Variants in LINGO2 observed in about 807,000 individuals in gnomAD.
The protein encoded by LINGO2 is leucine rich repeat and Ig domain containing 2.
In LINGO2, 14 loss-of-function variants were observed where a neutral mutation model predicts 30.6. The ratio of observed to expected loss-of-function variants is 0.46; its 90% CI spans 0.30 to 0.72. The LOEUF (loss-of-function observed/expected upper bound fraction) is 0.72, where lower values mean the gene tolerates loss of function less well. Ranked by LOEUF, LINGO2 falls within the 30% of genes least tolerant of loss-of-function variation. The pLI is 0.07. For missense variants in LINGO2, 729 were observed against 751.7 expected, an observed-to-expected ratio of 0.97 and a Z score of 0.35; for synonymous variants, 317 against 288.5, an observed-to-expected ratio of 1.10 and a Z score of -1.00.
At chr9:27,958,549 G>A (rs1165110264) in intron 5 of LINGO2, among the ~76,000 whole-genome samples, 1 of 128,750 alleles carries the variant, frequency 7.8e-6, no homozygotes, top group Non-Finnish European at 1.5e-5. Flanking sequence ...AAGGGAGAGT[G>A]AGAGAGAGAG....
chr9:28,848,393 G>GTATATATATA, the LINGO2 span, among the ~76,000 whole-genome samples: 8 of 67,198 alleles, frequency 1.2e-4, no homozygotes, highest in Non-Finnish European at 1.9e-4. Flanking sequence ...GTGTGTGTGT[G>GTATATATATA]TGTGTATATA....
chr9:28,752,266 T>C, the LINGO2 span, among the ~76,000 whole-genome samples: 3 of 152,086 alleles, frequency 2.0e-5, no homozygotes, highest in African/African-American at 7.2e-5. Flanking sequence ...ATGAATGACC[T>C]TTCTTGGTGA....
At chr9:28,468,028 A>G (rs939347693) in intron 2 of LINGO2, among the ~76,000 whole-genome samples, 1 of 152,196 alleles carries the variant, frequency 6.6e-6, no homozygotes, top group Admixed American at 6.5e-5. Flanking sequence ...AGCAGAATAG[A>G]AAGCTCAAAG....
chr9:28,380,392 T>TTTC (rs1023686927), intron 2 of LINGO2, among the ~76,000 whole-genome samples: 6 of 147,386 alleles, frequency 4.1e-5, no homozygotes, highest in Non-Finnish European at 7.6e-5. Flanking sequence ...CTATAAAGGT[T>TTTC]TTTTTTTTTT....
chr9:28,064,636 T>C (rs1443777217), intron 4 of LINGO2, among the ~76,000 whole-genome samples: 2 of 152,108 alleles, frequency 1.3e-5, no homozygotes, highest in Admixed American at 6.6e-5. Context: ...AAGGAACTGC[T>C]CTGATTACAA....
At chr9:29,086,951 T>G in the LINGO2 span, among the ~76,000 whole-genome samples, 2,589 of 151,424 alleles carry the variant, frequency 0.017, 79 homozygotes, top group African/African-American at 0.06. Flanking sequence ...GCACAATCTC[T>G]GCTCACTGCA....
At chr9:28,323,590 ACT>A (rs1327362485) in intron 3 of LINGO2, among the ~76,000 whole-genome samples, 8 of 152,152 alleles carry the variant, frequency 5.3e-5, no homozygotes, top group Admixed American at 4.6e-4. Flanking sequence ...ATGGAGGGAG[ACT>A]CTGTCTCAAT....
chr9:28,387,531 A>C (rs1821637644), intron 2 of LINGO2, among the ~76,000 whole-genome samples: 1 of 152,200 alleles, frequency 6.6e-6, no homozygotes, highest in Non-Finnish European at 1.5e-5. Flanking sequence ...TGCTGTTTGC[A>C]ATAAATCTTG....
chr9:28,865,856 T>C, the LINGO2 span, among the ~76,000 whole-genome samples: 1 of 152,176 alleles, frequency 6.6e-6, no homozygotes, highest in African/African-American at 2.4e-5. Context: ...GCTCTTTGAA[T>C]AACCATTCCA....
the LINGO2 span, among the ~76,000 whole-genome samples, chr9:28,945,092 C>T: frequency 5.9e-5 from 9 of 151,908 alleles, no homozygotes; most frequent in Non-Finnish European, 1.0e-4. Flanking sequence ...TTAAATTACC[C>T]TAGGATTAGG....
At chr9:29,065,574 G>A in the LINGO2 span, among the ~76,000 whole-genome samples, 1 of 152,014 alleles carries the variant, frequency 6.6e-6, no homozygotes, top group Non-Finnish European at 1.5e-5. Flanking sequence ...AGATCAGATA[G>A]TTGTAGGTAT....
the LINGO2 span, among the ~76,000 whole-genome samples, chr9:29,119,170 G>C: frequency 6.6e-6 from 1 of 152,072 alleles, no homozygotes; most frequent in African/African-American, 2.4e-5. Flanking sequence ...TTCCCAATAG[G>C]GGCTTGCAAA....
At chr9:28,711,598 T>C in the LINGO2 span, among the ~76,000 whole-genome samples, 1 of 152,126 alleles carries the variant, frequency 6.6e-6, no homozygotes, top group Non-Finnish European at 1.5e-5. Flanking sequence ...AAAAGATGCA[T>C]TAACCTTGGG....
chr9:28,476,857 T>G (rs796126149), intron 1 of LINGO2, among the ~76,000 whole-genome samples: 10 of 152,354 alleles, frequency 6.6e-5, no homozygotes, highest in African/African-American at 2.4e-4. Context: ...GATTAATTTA[T>G]TAAGGAAAAT....
Position 28,034,066 on chromosome 9 carries a change from C to G in LINGO2, c.-86-21661G>C, listed in dbSNP as rs530377536. 5.3e-4 allele frequency among the ~76,000 whole-genome samples: 80 copies of G among 152,308 alleles called. 1 individual carries two copies. The highest frequency in any genetic ancestry group is 1.2e-3 in the Admixed American group (18 of 15,304). ...TGCTCTGGAGGTCTCGGGCCCTCCT[C>G]CCTGTCTAGGAGGCTCCTCCAAAGT... On this transcript the variant is annotated intron_variant, in intron 4 of 5. Transcript: ENST00000379992.
At chr9:28,374,897 A>C (rs1424457853) in intron 2 of LINGO2, among the ~76,000 whole-genome samples, 1 of 152,140 alleles carries the variant, frequency 6.6e-6, no homozygotes, top group African/African-American at 2.4e-5. Flanking sequence ...GAAACTCAGA[A>C]ACTGAAGGCA....
At position 28,148,829 on chromosome 9, in the gene LINGO2, G is replaced by C. The variant is rs1827894966; in HGVS notation, c.-86-136424C>G. 4 of 1,533,660 alleles carry C rather than the reference G, an allele frequency of 2.6e-6. No homozygotes were observed. ...AGAGAAGGCGGCCTTGAAGGTGCTG[G>C]GTAAAGACCACCTGCCCAGCTCTCC... On this transcript the variant is annotated intron_variant, in intron 4 of 5. Coordinates refer to ENST00000379992, the Ensembl canonical transcript of LINGO2. This position sits in a 1 kb window ranked among gnomAD's most constrained non-coding sequence, Gnocchi z 5.1.
chr9:28,663,249 C>CA (rs1828654154), intron 1 of LINGO2, among the ~76,000 whole-genome samples: 2 of 152,228 alleles, frequency 1.3e-5, no homozygotes, highest in East Asian at 3.9e-4. Context: ...CGGCTCGCTG[C>CA]AACCTCTGCT....
intron 5 of LINGO2, among the ~76,000 whole-genome samples, chr9:27,984,962 A>C (rs771569900): frequency 2.0e-5 from 3 of 151,890 alleles, no homozygotes; most frequent in Admixed American, 6.6e-5. Flanking sequence ...AAATGCTGTA[A>C]ACAATAGAGT....
Sources: allele counts gnomAD v4.1 joint callset (sites outside exome capture counted in the v4.1 genomes callset), GRCh38; gene constraint gnomAD v4.1.1; non-coding constraint Gnocchi (gnomAD v3.1); transcripts MANE v1.5; gene names NCBI Gene and HGNC (gene_info 2026-07-23, HGNC 2026-07-21).